Variants in DLG5 observed in about 807,000 individuals in gnomAD.
DLG5 encodes the protein discs large MAGUK scaffold protein 5.
DLG5 carries 48 observed loss-of-function variants against 189.8 expected under a neutral mutation model. That is an observed-to-expected ratio of 0.25 (90% CI 0.20 to 0.32). The LOEUF (loss-of-function observed/expected upper bound fraction) is 0.32. Ranked by LOEUF, DLG5 falls within the 10% of genes least tolerant of loss-of-function variation. The pLI is 1.00. For missense variants in DLG5, 2,160 were observed against 2,544.7 expected, an observed-to-expected ratio of 0.85 and a Z score of 3.25; for synonymous variants, 1,016 against 1,054.1, an observed-to-expected ratio of 0.96 and a Z score of 0.70.
At chr10:77,918,463 A>C (rs1846436287) in intron 1 of DLG5, among the ~76,000 whole-genome samples, 1 of 152,176 alleles carries the variant, frequency 6.6e-6, no homozygotes, top group Admixed American at 6.5e-5. Context: ...AATTATTATC[A>C]CAATTTTGTT....
At chr10:77,822,416 C>T (rs554429842) in intron 14 of DLG5, among the ~76,000 whole-genome samples, 1 of 152,260 alleles carries the variant, frequency 6.6e-6, no homozygotes, top group Non-Finnish European at 1.5e-5. Context: ...TAGGCTGAGG[C>T]AGGCGGGTCA....
intron 1 of DLG5, among the ~76,000 whole-genome samples, chr10:77,899,503 T>C (rs1845861829): frequency 6.6e-6 from 1 of 152,132 alleles, no homozygotes; most frequent in South Asian, 2.1e-4. Flanking sequence ...GTGGCCTTCA[T>C]CTTAGAGTTG....
chr10:77,879,467 C>T (rs1228178451), intron 1 of DLG5, among the ~76,000 whole-genome samples: 1 of 151,906 alleles, frequency 6.6e-6, no homozygotes, highest in East Asian at 2.0e-4. Flanking sequence ...CTTACATCTA[C>T]TTAGGCTCAT....
chr10:77,849,042 G>T (rs1330084326), intron 5 of DLG5, among the ~76,000 whole-genome samples: 1 of 152,222 alleles, frequency 6.6e-6, no homozygotes, highest in Admixed American at 6.5e-5. Context: ...CACTCGGACT[G>T]CCCAAACCCA....
At chr10:77,864,110 G>C (rs1436203140) in intron 2 of DLG5, among the ~76,000 whole-genome samples, 1 of 152,162 alleles carries the variant, frequency 6.6e-6, no homozygotes, top group Non-Finnish European at 1.5e-5. Context: ...TGCCCTGGCT[G>C]CTATGGTCAC....
the DLG5 span, among the ~76,000 whole-genome samples, chr10:77,938,417 C>T: frequency 6.6e-6 from 1 of 152,090 alleles, no homozygotes; most frequent in Non-Finnish European, 1.5e-5. Flanking sequence ...GGTGACAGAG[C>T]AAGACCCTGT....
chr10:77,875,069 T>G (rs945968581), intron 1 of DLG5, among the ~76,000 whole-genome samples: 1 of 152,248 alleles, frequency 6.6e-6, no homozygotes, highest in African/African-American at 2.4e-5. Context: ...TAGTCCCATT[T>G]CACAGAGGAA....
intron 1 of DLG5, among the ~76,000 whole-genome samples, chr10:77,902,304 G>C (rs1937804): frequency 0.3 from 45,572 of 151,864 alleles, 7,413 homozygotes; most frequent in Admixed American, 0.43. Flanking sequence ...CTGCACCCGG[G>C]GAACCCCAAG....
chr10:77,935,295 C>T, the DLG5 span, among the ~76,000 whole-genome samples: 3 of 152,056 alleles, frequency 2.0e-5, no homozygotes, highest in Admixed American at 6.6e-5. Context: ...TCTGTACCTA[C>T]CTGCCTAGAT....
Position 77,829,461 on chromosome 10 carries a change from C to T in DLG5, c.2079G>A (p.Lys693=), listed in dbSNP as rs1177327247. ...TGGCCCCCTCCCCATTGAGGAGCGC[C>T]TTGATGGCCTGCTTCTTGTCCTTGT... The part of the protein sequence containing the change: ...LINKDKKQAI[K]ALLNGEGAIN... The change falls in exon 12 of 32, where the codon AAG becomes AAA. Residue 693 remains lysine (K), a synonymous_variant. Coordinates refer to ENST00000372391, the MANE Select transcript of DLG5 (RefSeq NM_004747.4). The T allele has an allele frequency of 1.2e-6, 2 of 1,614,036 alleles. No homozygotes were observed. Among genetic ancestry groups the T allele is most frequent in the Admixed American group, 1.7e-5 (1 of 59,994 alleles).
chr10:77,808,267 TTTTA>T (rs139929109), intron 24 of DLG5, among the ~76,000 whole-genome samples: 2,961 of 152,178 alleles, frequency 0.019, 101 homozygotes, highest in African/African-American at 0.068. Flanking sequence ...TTGCCTGTGC[TTTTA>T]TTTATTTATT....
intron 7 of DLG5, among the ~76,000 whole-genome samples, chr10:77,836,180 AC>A (rs1192879732): frequency 6.6e-6 from 1 of 152,186 alleles, no homozygotes; most frequent in African/African-American, 2.4e-5. Flanking sequence ...ACAAAAATAC[AC>A]CAGTATTCCT....
Position 77,869,272 on chromosome 10 carries a change from G to C in DLG5, c.305-75C>G, listed in dbSNP as rs960163579. ...TTCACCCCAAGCCAGCTGATCATCA[G>C]TCAATGCCAGGCCATGAGAGCTACA... On this transcript the variant is annotated intron_variant, in intron 1 of 31. Transcript: ENST00000372391. The C allele has an allele frequency of 2.2e-5, 31 of 1,400,778 alleles. No individual in the cohort carries two copies. The East Asian group carries it at 7.2e-4, about 32-fold the overall frequency. 86.8% of individuals were successfully genotyped at this position (1,400,778 alleles called of 1,614,324 possible).
intron 24 of DLG5, 40 bp from the exon 25 acceptor site, chr10:77,807,984 C>T (rs747978435): frequency 1.9e-6 from 3 of 1,611,792 alleles, no homozygotes; most frequent in Middle Eastern, 1.7e-4. Flanking sequence ...AGGCAGAAGC[C>T]AGGGGGCAGC....
chr10:77,917,041 T>C (rs1846380022), intron 1 of DLG5, among the ~76,000 whole-genome samples: 1 of 151,690 alleles, frequency 6.6e-6, no homozygotes, highest in Non-Finnish European at 1.5e-5. Context: ...CTGTATTGAC[T>C]TCACTTATAA....
At chr10:77,854,493 C>T (rs1186555957) in intron 3 of DLG5, 123 bp from the exon 4 acceptor site, 3 of 1,276,938 alleles carry the variant, frequency 2.3e-6, no homozygotes, top group African/African-American at 3.0e-5. Flanking sequence ...GCACCACACA[C>T]ACCTGGGTGT....
the DLG5 span, among the ~76,000 whole-genome samples, chr10:77,935,440 A>T: frequency 6.6e-6 from 1 of 152,166 alleles, no homozygotes; most frequent in African/African-American, 2.4e-5. Context: ...GATTGGAGGG[A>T]ACATTTTCAA....
chr10:77,865,884 C>CT (rs1844660477), intron 2 of DLG5, among the ~76,000 whole-genome samples: 1 of 152,086 alleles, frequency 6.6e-6, no homozygotes, highest in Admixed American at 6.6e-5. Flanking sequence ...CCCGACAGAC[C>CT]GCCTGAGAGA....
At position 77,806,915 on chromosome 10, in the gene DLG5, G is replaced by A. The variant is rs775210696; in HGVS notation, c.4810C>T (p.Arg1604Trp). Residue 1604 changes from arginine (R) to tryptophan (W), a missense_variant, in exon 26 of 32, where the codon CGG (arginine) becomes TGG (tryptophan). Around this residue, in one of 5 missense-constraint regions of DLG5, gnomAD observed 574 missense variants for 644.2 expected, o/e 0.89. Transcript: ENST00000372391. The stretch of plus-strand genomic sequence containing the variant: ...AACTCTTGCTCCACATCTGCCAGCC[G>A]GTCGTACAGGGCCCTGGACCACAGC... ...DSFYIRALYD[R>W]LADVEQELSF... 35 of 1,613,498 alleles carry A rather than the reference G, an allele frequency of 2.2e-5. No homozygotes were observed. The highest frequency in any genetic ancestry group is 3.3e-5 in the Admixed American group (2 of 60,002).
Sources: gnomAD v4.1 joint callset for allele counts (sites outside exome capture counted in the v4.1 genomes callset) on GRCh38, gnomAD v4.1.1 for gene constraint, gnomAD v4.1.1 regional missense constraint, MANE v1.5 for transcripts, NCBI Gene and HGNC (gene_info 2026-07-23, HGNC 2026-07-21) for gene names.